THAP4: variants seen among roughly 807,000 people sequenced by gnomAD.
THAP4 encodes peroxynitrite isomerase THAP4.
A neutral mutation model predicts 48.1 loss-of-function variants in THAP4; 18 were observed. That is an observed-to-expected ratio of 0.37 (90% CI 0.26 to 0.56). The LOEUF is 0.56. Among genes scored for constraint, THAP4 ranks in the 20% least tolerant of loss-of-function variants. The pLI is 0.78. For missense variants in THAP4, 656 were observed against 774.9 expected, an observed-to-expected ratio of 0.85 and a Z score of 1.82; for synonymous variants, 345 against 324.9, an observed-to-expected ratio of 1.06 and a Z score of -0.66.
Position 241,633,975 on chromosome 2 carries a change from G to A in THAP4, c.182C>T (p.Thr61Ile). The change falls in exon 2 of 6, where the codon ACC becomes ATC. Residue 61 changes from threonine (T) to isoleucine (I), a missense_variant. Thr to Ile is a moderately conservative substitution (Grantham distance 89). Around this residue, in one of 4 missense-constraint regions of THAP4, gnomAD observed 30 missense variants for 60.1 expected, o/e 0.50. Coordinates refer to ENST00000407315, the MANE Select transcript of THAP4 (RefSeq NM_015963.6). This position sits in a 1 kb window ranked among gnomAD's most constrained non-coding sequence, Gnocchi z 7.5. ...KYSFLCSEHFTKDSFSKRLED... is the reference protein window; with the variant it reads ...KYSFLCSEHFIKDSFSKRLED... ...CAGCCTCTTGGAGAAGCTGTCTTTG[G>A]TGAAATGCTCACTACAGAGAAATGA... 1.2e-6 allele frequency: 2 copies of A among 1,614,132 alleles called. No homozygotes were observed. The highest frequency in any genetic ancestry group is 1.7e-6 in the Non-Finnish European group (2 of 1,180,022).
rs566457360 is a variant in THAP4, at chr2:241,604,435, G to A, written c.1401-1356C>T. ...CCCGGCTAATTTTGTAATTTTAGTA[G>A]AGACCAGGTTTCTCCATGTTGGTCA... On this transcript the variant is annotated intron_variant, in intron 3 of 5. Coordinates refer to ENST00000407315, the MANE Select transcript of THAP4 (RefSeq NM_015963.6). 2.0e-5 allele frequency among the ~76,000 whole-genome samples: 3 copies of A among 152,136 alleles called. No homozygotes were observed. In the South Asian group the frequency reaches 6.2e-4, roughly 32 times the overall value.
At chr2:241,617,389 C>A in intron 2 of THAP4, 1 of 1,503,660 alleles carries the variant, frequency 6.7e-7, no homozygotes, top group Non-Finnish European at 9.1e-7. Context: ...TGTTTTGGCC[C>A]AAGACACTGA....
intron 5 of THAP4, among the ~76,000 whole-genome samples, chr2:241,600,189 CCTT>C (rs980012076): frequency 6.8e-4 from 104 of 152,128 alleles, no homozygotes; most frequent in African/African-American, 2.4e-3. Flanking sequence ...GAGCAAGACT[CCTT>C]CTCAAAAAAA....
intron 5 of THAP4, among the ~76,000 whole-genome samples, chr2:241,599,386 A>G (rs1355811745): frequency 1.3e-5 from 2 of 152,210 alleles, no homozygotes; most frequent in East Asian, 1.9e-4. Flanking sequence ...CTGTTGTTCT[A>G]TCCATGCTGT....
Position 241,633,570 on chromosome 2 carries a change from T to A in THAP4, c.587A>T (p.Asp196Val). The change falls in exon 2 of 6, where the codon GAT becomes GTT. Residue 196 changes from aspartate (D) to valine (V), a missense_variant. Coordinates refer to ENST00000407315, the MANE Select transcript of THAP4 (RefSeq NM_015963.6). The surrounding 1 kb of genome is among the most constrained non-coding windows in gnomAD (Gnocchi z 7.5). The stretch of plus-strand genomic sequence containing the variant: ...GGAAGTGGCGCTCTCATCGCCAGCA[T>A]CTGTGGCAGACGCTTCTGCTTTTCC... ...SQGKAEASAT[D>V]AGDESATSSI... The A allele has an allele frequency of 2.5e-6, 4 of 1,613,798 alleles. No homozygotes were observed. Among genetic ancestry groups the A allele is most frequent in the Non-Finnish European group, 3.4e-6 (4 of 1,179,894 alleles).
At chr2:241,598,024 C>T (rs2067070565) in intron 5 of THAP4, among the ~76,000 whole-genome samples, 1 of 148,512 alleles carries the variant, frequency 6.7e-6, no homozygotes, top group South Asian at 2.1e-4. Context: ...TAACCTCTGA[C>T]AAGTATGATC....
In THAP4 at chr2:241,597,568, T is replaced by C. The variant is rs564176983; in HGVS notation, c.1614+4328A>G. Among the ~76,000 whole-genome samples the C allele has an allele frequency of 2.6e-5, 4 of 152,240 alleles. No individual in the cohort carries two copies. In the East Asian group the frequency reaches 7.7e-4, roughly 29 times the overall value. ...GGCTACAAACAAAGTCCCAGGAAAT[T>C]CCCCCAACACTGTAATAACAGGGAC... is the stretch of plus-strand genomic sequence containing the variant. On this transcript the variant is annotated intron_variant, in intron 5 of 5. Transcript: ENST00000407315.
intron 2 of THAP4, among the ~76,000 whole-genome samples, chr2:241,618,727 G>A (rs191866459): frequency 2.7e-4 from 41 of 152,278 alleles, no homozygotes; most frequent in African/African-American, 9.6e-4. Context: ...ACAAAATGCT[G>A]GAGGCTGAAC....
intron 2 of THAP4, among the ~76,000 whole-genome samples, chr2:241,632,289 T>C (rs1458097455): frequency 1.3e-5 from 2 of 152,136 alleles, no homozygotes; most frequent in African/African-American, 2.4e-5. Context: ...TATGTTTTTG[T>C]ATGTTTCACC....
At position 241,601,626 on chromosome 2, in the gene THAP4, G is replaced by C. The variant is rs1299211080; in HGVS notation, c.1614+270C>G. ...TTTATCAATAGATATGGATATATCT[G>C]TAAACGTGGACAACCCAAATGCAAA... On this transcript the variant is annotated intron_variant, in intron 5 of 5. Transcript: ENST00000407315. The surrounding 1 kb of genome is among the most constrained non-coding windows in gnomAD (Gnocchi z 4.0). 6.6e-6 allele frequency among the ~76,000 whole-genome samples: 1 copy of C among 152,106 alleles called. No individual in the cohort carries two copies. Among genetic ancestry groups the C allele is most frequent in the African/African-American group, 2.4e-5 (1 of 41,390 alleles).
rs767879142 is a variant in THAP4 at position 241,637,069 on chromosome 2, C to T, written c.-52G>A. 566 of 1,094,172 alleles carry T rather than the reference C, an allele frequency of 5.2e-4. 1 individual carries two copies. Among genetic ancestry groups the T allele is most frequent in the Admixed American group, 1.1e-3 (22 of 20,706 alleles). 67.8% of individuals were successfully genotyped at this position (1,094,172 alleles called of 1,614,324 possible). A position where few individuals can be genotyped will look rare whatever the true frequency, so the allele number is the denominator to read the frequency against. ...CAGGCCCCGGCCCTAGCCGCCCGCC[C>T]GCCCGCGGACCGCCCCGAGGGAGGG... is the stretch of plus-strand genomic sequence containing the variant. On this transcript the variant is annotated 5_prime_UTR_variant, in exon 1 of 6. Transcript: ENST00000407315.
At chr2:241,586,165 G>A (rs1245222497) in intron 5 of THAP4, among the ~76,000 whole-genome samples, 1 of 147,358 alleles carries the variant, frequency 6.8e-6, no homozygotes, top group African/African-American at 2.5e-5. Flanking sequence ...GCTGAGGCAG[G>A]AGAATGGCGT....
At chr2:241,606,810 G>A (rs1016603712) in intron 2 of THAP4, among the ~76,000 whole-genome samples, 3 of 152,140 alleles carry the variant, frequency 2.0e-5, no homozygotes, top group Non-Finnish European at 2.9e-5. Flanking sequence ...GGACCTCAAG[G>A]GGCTTTTGCT....
At chr2:241,605,367 T>C (rs1452200245) in intron 3 of THAP4, among the ~76,000 whole-genome samples, 1 of 152,190 alleles carries the variant, frequency 6.6e-6, no homozygotes, top group East Asian at 1.9e-4. Flanking sequence ...AGTTGTGTAA[T>C]GGAGACTAAG....
intron 5 of THAP4, among the ~76,000 whole-genome samples, chr2:241,587,840 G>C (rs2066911077): frequency 6.6e-6 from 1 of 152,000 alleles, no homozygotes. Context: ...ACTTGAACTG[G>C]CGAGGTGGGG....
intron 5 of THAP4, among the ~76,000 whole-genome samples, chr2:241,595,894 G>A (rs558419991): frequency 6.6e-6 from 1 of 152,322 alleles, no homozygotes; most frequent in East Asian, 1.9e-4. Context: ...GGGCACTGAG[G>A]TTCTGAAGGG....
intron 2 of THAP4, among the ~76,000 whole-genome samples, chr2:241,619,648 G>A (rs1376915794): frequency 3.3e-5 from 5 of 152,236 alleles, no homozygotes; most frequent in Non-Finnish European, 7.3e-5. Flanking sequence ...ATGGGCAGTT[G>A]CTCTGGGTGA....
intron 2 of THAP4, among the ~76,000 whole-genome samples, chr2:241,614,260 G>C (rs537747820): frequency 1.4e-4 from 22 of 152,104 alleles, no homozygotes; most frequent in African/African-American, 5.3e-4. Context: ...TTCAGAGAGA[G>C]AGTCCAGAAA....
chr2:241,623,985 A>G (rs2067465681), intron 2 of THAP4, among the ~76,000 whole-genome samples: 1 of 152,116 alleles, frequency 6.6e-6, no homozygotes, highest in African/African-American at 2.4e-5. Context: ...CACATCCCAC[A>G]GGTTAAGGGC....
Sources: allele counts gnomAD v4.1 joint callset (sites outside exome capture counted in the v4.1 genomes callset), GRCh38; gene constraint gnomAD v4.1.1; regional missense constraint gnomAD v4.1.1; non-coding constraint Gnocchi (gnomAD v3.1); transcripts MANE v1.5; gene names NCBI Gene and HGNC (gene_info 2026-07-23, HGNC 2026-07-21).